Variants in CFAP410 observed in about 807,000 individuals in gnomAD.
The protein encoded by CFAP410 is cilia- and flagella-associated protein 410.
Under a neutral mutation model 25.7 loss-of-function variants are expected in CFAP410, and 27 were observed. That is an observed-to-expected ratio of 1.05 (90% CI 0.77 to 1.45). The LOEUF (loss-of-function observed/expected upper bound fraction) is 1.45, where lower values mean the gene tolerates loss of function less well. CFAP410 is among the 40% of genes most tolerant of loss of function. CFAP410 has a pLI of 0.00. For synonymous variants in CFAP410, 178 were observed against 158.4 expected, an observed-to-expected ratio of 1.12 and a Z score of -0.93; for missense variants, 428 against 354.1, an observed-to-expected ratio of 1.21 and a Z score of -1.67.
chr21:44,333,406 C>T (rs896067502), intron 3 of CFAP410, 144 bp from the exon 4 acceptor site: 8 of 666,268 alleles, frequency 1.2e-5, no homozygotes, highest in East Asian at 2.7e-5. Context: ...TCACAAGTCA[C>T]GTGCAGCAGG....
chr21:44,330,508 C>T lies in CFAP410; in HGVS notation c.643-182G>A, dbSNP rs113983126. The T allele has an allele frequency of 9.4e-4, 1,461 of 1,546,182 alleles. 4 individuals carry two copies. The highest frequency in any genetic ancestry group is 9.1e-3 in the African/African-American group (662 of 73,124). ...AGCAGAGGAGCCCCGCCTGTGGACG[C>T]GTGTGTGGCACCTCTTCCACGTGAC... On this transcript the variant is annotated intron_variant, in intron 6 of 6. Transcript: ENST00000339818.
intron 6 of CFAP410, 85 bp downstream of exon 6, chr21:44,330,738 A>G: frequency 6.4e-7 from 1 of 1,550,610 alleles, no homozygotes; most frequent in Non-Finnish European, 8.7e-7. Context: ...GGGCCCTGTG[A>G]GGCTCCATGC....
intron 6 of CFAP410, 64 bp downstream of exon 6, chr21:44,330,759 C>T (rs755636803): frequency 3.5e-5 from 54 of 1,552,190 alleles, no homozygotes; most frequent in Middle Eastern, 3.3e-4. Context: ...TCCCTCCCCA[C>T]GGTTTCTGTG....
At chr21:44,334,514 CGCA>C in intron 3 of CFAP410, 1 of 239,166 alleles carries the variant, frequency 4.2e-6, no homozygotes, top group South Asian at 3.0e-5. Context: ...GGCGGGCACG[CGCA>C]CCCCCCCCCC....
intron 2 of CFAP410, among the ~76,000 whole-genome samples, chr21:44,337,083 T>TAAAAAAA (rs35988245): frequency 8.2e-6 from 1 of 121,862 alleles, no homozygotes; most frequent in Non-Finnish European, 1.8e-5. Flanking sequence ...AGACTCCGTG[T>TAAAAAAA]AAAAAAAAAA....
At chr21:44,337,624 C>T in intron 2 of CFAP410, 25 bp downstream of exon 2, 1 of 1,608,750 alleles carries the variant, frequency 6.2e-7, no homozygotes, top group Non-Finnish European at 8.5e-7. Context: ...CAGTGCAATA[C>T]TTACATCTGT....
In CFAP410 at chr21:44,330,704, G is replaced by A. The variant is rs865947062; in HGVS notation, c.642+119C>T. 1.0e-5 allele frequency: 16 copies of A among 1,549,280 alleles called. No homozygotes were observed. The African/African-American group carries it at 1.8e-4, about 17-fold the overall frequency. The stretch of plus-strand genomic sequence containing the variant: ...GGGGCACAGCTCTTCAAGGCCCTGT[G>A]AGGCTCCATGCTCCCTCCCCACGGG... On this transcript the variant is annotated intron_variant, in intron 6 of 6. Transcript: ENST00000339818.
At chr21:44,335,716 C>A in intron 3 of CFAP410, 42 bp downstream of exon 3, 2 of 1,530,454 alleles carry the variant, frequency 1.3e-6, no homozygotes, top group Non-Finnish European at 1.8e-6. Flanking sequence ...TCTGCCCCGG[C>A]TTCCAGGCCC....
chr21:44,335,883 G>C (rs1171388089), intron 2 of CFAP410, 79 bp from the exon 3 acceptor site: 2 of 1,161,456 alleles, frequency 1.7e-6, no homozygotes, highest in South Asian at 1.3e-5. Flanking sequence ...ACAGAGAACT[G>C]TCGAAGCCAC....
rs544609532 is a variant in CFAP410, at chr21:44,334,436, CCTCA to C, written c.144-1178_144-1175del. 4.8e-3 allele frequency: 1,818 copies of C among 378,846 alleles called. 12 individuals are homozygous for C. The highest frequency in any genetic ancestry group is 6.6e-3 in the Middle Eastern group (7 of 1,062). The allele number at this position is 378,846 out of a possible 1,614,324, so 23.5% of individuals were successfully genotyped here. A position where few individuals can be genotyped will look rare whatever the true frequency, so the allele number is the denominator to read the frequency against. On this transcript the variant is annotated intron_variant, in intron 3 of 6. Transcript: ENST00000339818. ...TTCGGAGGCAGGCCTGAAATCCCAG[CCTCA>C]CTGTGTCGCCTGACTAGTGAAACGA...
intron 3 of CFAP410, chr21:44,335,322 T>C (rs1001076083): frequency 1.7e-4 from 34 of 194,760 alleles, no homozygotes; most frequent in African/African-American, 7.3e-4. Context: ...GCAGAGAAAC[T>C]GGTAGGCAGT....
At position 44,330,880 on chromosome 21, in the gene CFAP410, G is replaced by A. The variant is rs779793849; in HGVS notation, c.585C>T (p.Ser195=). 1.2e-6 allele frequency: 2 copies of A among 1,603,848 alleles called. No individual in the cohort carries two copies. The highest frequency in any genetic ancestry group is 2.2e-5 in the East Asian group (1 of 44,584). ...AQDERGLKPP[S]RGQFPSLSAR... ...CTGAGAGGGAAGGAAACTGGCCCCG[G>A]GAAGGCGGCTTCAGGCCACGTTCAT... is the stretch of plus-strand genomic sequence containing the variant. Residue 195 remains serine, a synonymous_variant, in exon 6 of 7, where the codon TCC becomes TCT. Transcript: ENST00000339818.
At chr21:44,333,297 G>A in intron 3 of CFAP410, 35 bp from the exon 4 acceptor site, 1 of 1,554,202 alleles carries the variant, frequency 6.4e-7, no homozygotes, top group Non-Finnish European at 8.8e-7. Context: ...CGAGGGACGT[G>A]GCCAGGGCCC....
At position 44,333,076 on chromosome 21, in the gene CFAP410, G is replaced by C; in HGVS notation, c.330C>G (p.Thr110=). The change falls in exon 4 of 7, where the codon ACC becomes ACG. Residue 110 remains threonine (T), a synonymous_variant. Transcript: ENST00000339818. ...CGTSPHRYRM[T]VLRTLPRLQK... The stretch of plus-strand genomic sequence containing the variant: ...GTAGGCGCGGCAGGGTGCGCAGCAC[G>C]GTCATGCGGTAGCGGTGGGGGCTGG... The C allele has an allele frequency of 6.2e-7, 1 of 1,608,378 alleles. No individual in the cohort carries two copies. The highest frequency in any genetic ancestry group is 8.5e-7 in the Non-Finnish European group (1 of 1,177,402).
At chr21:44,337,715 A>G (rs771874335) in intron 1 of CFAP410, 48 bp from the exon 2 acceptor site, 1 of 1,552,158 alleles carries the variant, frequency 6.4e-7, no homozygotes, top group African/African-American at 1.4e-5. Flanking sequence ...AGTTGAATAA[A>G]AAACACTGAA....
In CFAP410 at chr21:44,333,280, C is replaced by G. The variant is rs781390226; in HGVS notation, c.144-18G>C. The G allele has an allele frequency of 4.4e-6, 7 of 1,594,902 alleles. No homozygotes were observed. Among genetic ancestry groups the G allele is most frequent in the Middle Eastern group, 1.7e-4 (1 of 5,986 alleles). On this transcript the variant is annotated intron_variant, in intron 3 of 6. Transcript: ENST00000339818. The stretch of plus-strand genomic sequence containing the variant: ...TGTTGACACTGCACGGAGACCAGCA[C>G]AGTCAGCGAGGGACGTGGCCAGGGC...
chr21:44,336,779 G>A (rs915044452), intron 2 of CFAP410: 1 of 152,038 alleles, frequency 6.6e-6, no homozygotes, highest in Non-Finnish European at 1.5e-5. Context: ...AAAAACAAAG[G>A]AAAATAAAGA....
chr21:44,330,038 A>G lies in CFAP410; in HGVS notation c.*160T>C. 1.3e-6 allele frequency: 1 copy of G among 757,750 alleles called. No individual in the cohort carries two copies. The allele number at this position is 757,750 out of a possible 1,614,324, so 46.9% of individuals were successfully genotyped here. ...GGCATCTCCACCGCCCCGGTTAGCC[A>G]GTACCTAACACCCACTCCTGCCCTC... On this transcript the variant is annotated 3_prime_UTR_variant, in exon 7 of 7. Coordinates refer to ENST00000339818, the MANE Select transcript of CFAP410 (RefSeq NM_004928.3).
chr21:44,335,475 A>C, intron 3 of CFAP410: 1 of 509,390 alleles, frequency 2.0e-6, no homozygotes, highest in Non-Finnish European at 3.5e-6. Flanking sequence ...GCAATGGCTT[A>C]TCGGAGCACA....
Sources: gnomAD v4.1 joint callset for allele counts (sites outside exome capture counted in the v4.1 genomes callset) on GRCh38, gnomAD v4.1.1 for gene constraint, MANE v1.5 for transcripts, NCBI Gene and HGNC (gene_info 2026-07-23, HGNC 2026-07-21) for gene names.